ATP10A: variants seen among roughly 807,000 people sequenced by gnomAD.
The protein encoded by ATP10A is phospholipid-transporting ATPase VA.
In ATP10A, 111 loss-of-function variants were observed where a neutral mutation model predicts 147.8. The observed-to-expected ratio is 0.75, with a 90% CI of 0.64 to 0.88. The LOEUF (loss-of-function observed/expected upper bound fraction) is 0.88. Ranked by LOEUF, ATP10A falls within the 40% of genes least tolerant of loss-of-function variation. The pLI is 0.00. For synonymous variants in ATP10A, 875 were observed against 841.6 expected (o/e 1.04, Z -0.69); for missense variants, 1,927 against 1,959.0 (o/e 0.98, Z 0.31).
chr15:25,689,797 C>G (rs1296499492), intron 15 of ATP10A, among the ~76,000 whole-genome samples: 1 of 152,228 alleles, frequency 6.6e-6, no homozygotes, highest in Non-Finnish European at 1.5e-5. Context: ...ATGTAGAGCC[C>G]CAGGGCTTGG....
rs533408384 is a variant in ATP10A, at chr15:25,820,280, A to G, written c.450-39057T>C. On this transcript the variant is annotated intron_variant, in intron 1 of 20. Transcript: ENST00000555815. ...TCCACGGAAGGTAGGTCCATTCACC[A>G]TAACACAAAAATTACAAAAGTTAAA... 4.6e-5 allele frequency among the ~76,000 whole-genome samples: 7 copies of G among 152,346 alleles called. No homozygotes were observed. In the South Asian group the frequency reaches 1.2e-3, roughly 27 times the overall value.
chr15:25,844,558 G>C (rs1271410432), intron 1 of ATP10A, among the ~76,000 whole-genome samples: 1 of 152,200 alleles, frequency 6.6e-6, no homozygotes, highest in Non-Finnish European at 1.5e-5. Context: ...CCATTTTCCT[G>C]TGAGCTTTTA....
chr15:25,851,042 G>T (rs1295192243), intron 1 of ATP10A, among the ~76,000 whole-genome samples: 2 of 152,038 alleles, frequency 1.3e-5, no homozygotes, highest in Non-Finnish European at 2.9e-5. Context: ...GGGGAGGGGT[G>T]AGTGGGGATC....
intron 2 of ATP10A, among the ~76,000 whole-genome samples, chr15:25,760,578 A>G (rs1292749232): frequency 1.3e-5 from 2 of 152,246 alleles, no homozygotes; most frequent in African/African-American, 2.4e-5. Context: ...AAAAACTCTG[A>G]CAAGTATATA....
intron 1 of ATP10A, among the ~76,000 whole-genome samples, chr15:25,804,065 T>C (rs1199657049): frequency 7.8e-6 from 1 of 127,686 alleles, no homozygotes; most frequent in East Asian, 2.4e-4. Context: ...GTGTGGTGTG[T>C]CTACGTGCAT....
chr15:25,804,302 C>T (rs922922750), intron 1 of ATP10A, among the ~76,000 whole-genome samples: 7 of 124,648 alleles, frequency 5.6e-5, no homozygotes, highest in South Asian at 2.7e-4. Flanking sequence ...TGTGAGTGTT[C>T]GTGTGTGTCT....
At chr15:25,682,962 G>T (rs918274746) in intron 17 of ATP10A, among the ~76,000 whole-genome samples, 1 of 152,064 alleles carries the variant, frequency 6.6e-6, no homozygotes, top group Non-Finnish European at 1.5e-5. Flanking sequence ...GTTAATTCCC[G>T]TTCAAAATAA....
chr15:25,773,475 G>A (rs865905809), intron 2 of ATP10A, among the ~76,000 whole-genome samples: 1 of 152,090 alleles, frequency 6.6e-6, no homozygotes, highest in Non-Finnish European at 1.5e-5. Context: ...AAGGGACAAA[G>A]GTTCCAGAGT....
intron 1 of ATP10A, among the ~76,000 whole-genome samples, chr15:25,826,963 G>T (rs533618093): frequency 8.4e-4 from 128 of 152,132 alleles, no homozygotes; most frequent in African/African-American, 2.9e-3. Context: ...ACTGTCAAAA[G>T]CCCAAAACCC....
Position 25,679,486 on chromosome 15 carries a change from C to T in ATP10A, c.4355G>A (p.Ser1452Asn). The T allele has an allele frequency of 6.2e-7, 1 of 1,613,992 alleles. No homozygotes were observed. Among genetic ancestry groups the T allele is most frequent in the Non-Finnish European group, 8.5e-7 (1 of 1,179,930 alleles). Residue 1452 changes from serine to asparagine, a missense_variant, in exon 21 of 21, where the codon AGT becomes AAT. Physicochemically the swap from Ser to Asn is conservative, Grantham distance 46. Transcript: ENST00000555815. ...CTCCGTCCGGGAGAACTGTAAGACA[C>T]TCCCCAGCCTGCTGACCAGCGACCA... is the stretch of plus-strand genomic sequence containing the variant. ...SSWSLVSRLG[S>N]VLQFSRTEQL...
At chr15:25,823,096 GA>G (rs1404971216) in intron 1 of ATP10A, among the ~76,000 whole-genome samples, 5 of 151,714 alleles carry the variant, frequency 3.3e-5, no homozygotes, top group Admixed American at 6.6e-5. Context: ...TATTGTTTTT[GA>G]AAAAAATCTC....
At chr15:25,675,739 A>G (rs1376454389), downstream of ATP10A, among the ~76,000 whole-genome samples, 1 of 152,208 alleles carries the variant, frequency 6.6e-6, no homozygotes, top group Non-Finnish European at 1.5e-5. Flanking sequence ...TGAGCCTCGG[A>G]GTTTGAGACC....
intron 4 of ATP10A, among the ~76,000 whole-genome samples, chr15:25,726,912 G>GATT (rs1477087925): frequency 1.2e-4 from 18 of 148,610 alleles, no homozygotes; most frequent in African/African-American, 4.5e-4. Flanking sequence ...AAAAAAAAAG[G>GATT]AGCCGGGCGT....
intron 3 of ATP10A, among the ~76,000 whole-genome samples, chr15:25,727,654 G>A (rs754077144): frequency 6.6e-6 from 1 of 152,198 alleles, no homozygotes; most frequent in Non-Finnish European, 1.5e-5. Flanking sequence ...CTCCTAATCA[G>A]TCTCAAGTTG....
chr15:25,728,760 C>A (rs1263398896), intron 3 of ATP10A, among the ~76,000 whole-genome samples: 1 of 152,218 alleles, frequency 6.6e-6, no homozygotes, highest in Non-Finnish European at 1.5e-5. Context: ...GACTTTTGAG[C>A]AACTACTGTG....
rs1271405265 is a variant in ATP10A at position 25,862,676 on chromosome 15, TG to T, written c.420del (p.Asn141ThrfsTer16). 3 of 1,598,842 alleles carry T rather than the reference TG, an allele frequency of 1.9e-6. No individual in the cohort carries two copies. The highest frequency in any genetic ancestry group is 2.6e-6 in the Non-Finnish European group (3 of 1,170,334). On this transcript the variant is annotated frameshift_variant, in exon 1 of 21. Transcript: ENST00000555815. LOFTEE classifies it high-confidence loss of function. Reference sequence around the variant, plus strand: ...CTGAAGACCAGGCAGCCCAGGTGGTTGATCTTGTGGTCGGAGCGGTGGCGGC... The same window carrying T: ...CTGAAGACCAGGCAGCCCAGGTGGTTATCTTGTGGTCGGAGCGGTGGCGGC... ...DYSRHRSDHKINHLGCLVFSR... is the reference protein window; with the variant it reads ...DYSRHRSDHKXNHLGCLVFSR...
At chr15:25,717,798 A>T (rs1901914854) in intron 8 of ATP10A, among the ~76,000 whole-genome samples, 1 of 152,254 alleles carries the variant, frequency 6.6e-6, no homozygotes, top group African/African-American at 2.4e-5. Flanking sequence ...TGACAAGGCC[A>T]GGCAGAAAGT....
intron 13 of ATP10A, among the ~76,000 whole-genome samples, chr15:25,698,806 T>C (rs1318003831): frequency 6.6e-6 from 1 of 152,200 alleles, no homozygotes; most frequent in African/African-American, 2.4e-5. Flanking sequence ...CAACTTATGA[T>C]TTTTTTGACC....
At chr15:25,842,615 A>T (rs988468746) in intron 1 of ATP10A, among the ~76,000 whole-genome samples, 2 of 152,192 alleles carry the variant, frequency 1.3e-5, no homozygotes, top group African/African-American at 4.8e-5. Context: ...AATGATTTTC[A>T]TACTAGGATG....
Sources: gnomAD v4.1 joint callset for allele counts (sites outside exome capture counted in the v4.1 genomes callset) on GRCh38, gnomAD v4.1.1 for gene constraint, MANE v1.5 for transcripts, NCBI Gene and HGNC (gene_info 2026-07-23, HGNC 2026-07-21) for gene names.